TVP23C: variants seen among roughly 807,000 people sequenced by gnomAD.
TVP23C encodes trans-golgi network vesicle protein 23 homolog C.
In TVP23C, 19 loss-of-function variants were observed where a neutral mutation model predicts 28.7. The ratio of observed to expected loss-of-function variants is 0.66; its 90% CI spans 0.46 to 0.97. TVP23C has a LOEUF of 0.97. Ranked by LOEUF, TVP23C falls within the 50% of genes least tolerant of loss-of-function variation. The pLI is 0.00. For missense variants in TVP23C, 186 were observed against 241.3 expected (o/e 0.77, Z 1.52); for synonymous variants, 68 against 81.7 (o/e 0.83, Z 0.90).
exon 6 of TVP23C, chr17:15,502,933 C>A: frequency 1.2e-6 from 2 of 1,613,788 alleles, no homozygotes; most frequent in Non-Finnish European, 1.7e-6. Flanking sequence ...TGGGACTCTC[C>A]CCACCTCCCC....
At chr17:15,511,931 A>T (rs900967031) in intron 5 of TVP23C, among the ~76,000 whole-genome samples, 1 of 152,216 alleles carries the variant, frequency 6.6e-6, no homozygotes, top group South Asian at 2.1e-4. Flanking sequence ...GATTCAAGGA[A>T]TTGGAAATTA....
intron 1 of TVP23C, among the ~76,000 whole-genome samples, chr17:15,560,711 A>ACCC (rs1316646234): frequency 2.7e-5 from 4 of 146,914 alleles, no homozygotes; most frequent in Non-Finnish European, 4.6e-5. Flanking sequence ...GCCCACCACC[A>ACCC]CCCCTGGCTA....
chr17:15,547,845 G>A (rs1159785574), intron 3 of TVP23C, among the ~76,000 whole-genome samples: 1 of 152,180 alleles, frequency 6.6e-6, no homozygotes, highest in Non-Finnish European at 1.5e-5. Flanking sequence ...ATCAGAAAAT[G>A]ACTCTCTGAG....
chr17:15,532,626 T>C (rs1308070061), downstream of TVP23C, among the ~76,000 whole-genome samples: 1 of 152,222 alleles, frequency 6.6e-6, no homozygotes, highest in South Asian at 2.1e-4. Context: ...GTTTGGTTAA[T>C]TTCCAGAGTT....
At chr17:15,523,840 C>G (rs571798349) in intron 5 of TVP23C, among the ~76,000 whole-genome samples, 4 of 151,922 alleles carry the variant, frequency 2.6e-5, no homozygotes, top group Non-Finnish European at 4.4e-5. Flanking sequence ...GTCTCGATCT[C>G]CTGACCTCGT....
chr17:15,510,101 T>G (rs1194057007), intron 5 of TVP23C, among the ~76,000 whole-genome samples: 1 of 152,222 alleles, frequency 6.6e-6, no homozygotes, highest in Non-Finnish European at 1.5e-5. Flanking sequence ...CCAGCTGGCC[T>G]GTGTCTCTGC....
At chr17:15,508,902 CA>C (rs1315093183) in intron 5 of TVP23C, among the ~76,000 whole-genome samples, 2 of 152,196 alleles carry the variant, frequency 1.3e-5, no homozygotes, top group Non-Finnish European at 2.9e-5. Context: ...GGGCACTTGC[CA>C]GGGGGAAAGA....
In TVP23C at chr17:15,538,979, T is replaced by C. The variant is rs1983282116; in HGVS notation, c.*1433A>G. Reference sequence around the variant, plus strand: ...CTGTACAGTAGAATAAAAAGAACAATAAATTTTGAGTACAGAGGGCTGGGT... The same window carrying C: ...CTGTACAGTAGAATAAAAAGAACAACAAATTTTGAGTACAGAGGGCTGGGT... On this transcript the variant is annotated 3_prime_UTR_variant, in exon 6 of 6. Coordinates refer to ENST00000518321, the MANE Select transcript of TVP23C (RefSeq NM_001135036.2). The C allele has an allele frequency of 2.0e-6, 2 of 985,766 alleles. No homozygotes were observed. Among genetic ancestry groups the C allele is most frequent in the Admixed American group, 6.1e-5 (1 of 16,272 alleles). The allele number at this position is 985,766 out of a possible 1,614,324, so 61.1% of individuals were successfully genotyped here.
chr17:15,522,715 G>A (rs1398757591), intron 5 of TVP23C, among the ~76,000 whole-genome samples: 1 of 152,138 alleles, frequency 6.6e-6, no homozygotes, highest in East Asian at 1.9e-4. Flanking sequence ...AAGTTGGTAA[G>A]TTTGGCTACA....
chr17:15,556,644 A>G (rs1331297152), intron 1 of TVP23C, among the ~76,000 whole-genome samples: 2 of 152,154 alleles, frequency 1.3e-5, no homozygotes, highest in Non-Finnish European at 1.5e-5. Context: ...GTGAGCCACC[A>G]TGCCCGGCCC....
At position 15,543,450 on chromosome 17, in the gene TVP23C, GA is replaced by G. The variant is rs200641031; in HGVS notation, c.462+2334del. On this transcript the variant is annotated intron_variant, in intron 5 of 5. Transcript: ENST00000518321. ...GATAGGTGAAGAATCTACTCGAAAA[GA>G]AAAAAAACCCACCAAAATAAAAGCA... Among the ~76,000 whole-genome samples the G allele has an allele frequency of 6.2e-3, 915 of 148,036 alleles. 13 individuals carry two copies. Among genetic ancestry groups the G allele is most frequent in the African/African-American group, 0.012 (463 of 40,252 alleles).
Position 15,557,541 on chromosome 17 carries a change from C to T in TVP23C, c.13-2177G>A, listed in dbSNP as rs1160123914. Among the ~76,000 whole-genome samples, 56 of 148,748 alleles carry T rather than the reference C, an allele frequency of 3.8e-4. 2 individuals are homozygous for T. The highest frequency in any genetic ancestry group is 2.0e-4 in the East Asian group (1 of 5,116). ...TTCAAACTCCTGACCTCCAGGGATCCGCCCACCTCACCCCCCCATAGTGCT... is the reference window on the plus strand; with the variant it reads ...TTCAAACTCCTGACCTCCAGGGATCTGCCCACCTCACCCCCCCATAGTGCT... On this transcript the variant is annotated intron_variant, in intron 1 of 5. Transcript: ENST00000518321.
intron 5 of TVP23C, among the ~76,000 whole-genome samples, chr17:15,513,656 C>A (rs182686009): frequency 3.7e-4 from 56 of 152,276 alleles, no homozygotes; most frequent in Non-Finnish European, 6.8e-4. Context: ...ACAAAGGGTT[C>A]TTTTCAACCA....
intron 1 of TVP23C, among the ~76,000 whole-genome samples, chr17:15,557,923 T>G (rs1320135785): frequency 1.4e-5 from 2 of 146,328 alleles, no homozygotes; most frequent in Admixed American, 1.4e-4. Flanking sequence ...AAGTAGCTCA[T>G]GCAGTAAGTG....
intron 1 of TVP23C, among the ~76,000 whole-genome samples, chr17:15,557,205 A>G (rs1597549287): frequency 6.7e-6 from 1 of 149,446 alleles, no homozygotes; most frequent in East Asian, 1.9e-4. Flanking sequence ...CTCCATTTGA[A>G]CAATTATCTC....
intron 5 of TVP23C, among the ~76,000 whole-genome samples, chr17:15,541,451 A>G (rs552291313): frequency 0.014 from 2,146 of 152,098 alleles, 42 homozygotes; most frequent in Non-Finnish European, 0.018. Context: ...ACTTACAAAA[A>G]CAGGTGTCGG....
chr17:15,504,889 C>T (rs1206565650), intron 5 of TVP23C, among the ~76,000 whole-genome samples: 1 of 152,018 alleles, frequency 6.6e-6, no homozygotes, highest in Non-Finnish European at 1.5e-5. Context: ...ATTTTCCTCC[C>T]CTCCCTCTGA....
intron 5 of TVP23C, among the ~76,000 whole-genome samples, chr17:15,542,820 A>G (rs1182082438): frequency 6.6e-6 from 1 of 152,202 alleles, no homozygotes. Flanking sequence ...GAATTTTTGC[A>G]TGAGTGAAAA....
chr17:15,548,210 A>C (rs1166089084), intron 3 of TVP23C, among the ~76,000 whole-genome samples: 2 of 152,080 alleles, frequency 1.3e-5, no homozygotes, highest in Non-Finnish European at 2.9e-5. Flanking sequence ...CTTGTTGCCC[A>C]GGCTGGCATG....
Sources: gnomAD v4.1 joint callset for allele counts (sites outside exome capture counted in the v4.1 genomes callset) on GRCh38, gnomAD v4.1.1 for gene constraint, MANE v1.5 for transcripts, NCBI Gene and HGNC (gene_info 2026-07-23, HGNC 2026-07-21) for gene names.